PHACTR1: variants seen among roughly 807,000 people sequenced by gnomAD.
PHACTR1 encodes the protein RPEL repeat containing 1.
A neutral mutation model predicts 69.2 loss-of-function variants in PHACTR1; 16 were observed. The observed-to-expected ratio is 0.23, with a 90% CI of 0.16 to 0.35. The LOEUF is 0.35. Ranked by LOEUF, PHACTR1 falls within the 10% of genes least tolerant of loss-of-function variation. The pLI is 1.00. For synonymous variants in PHACTR1, 312 were observed against 284.5 expected (o/e 1.10, Z -0.97); for missense variants, 510 against 734.7 (o/e 0.69, Z 3.54).
intron 7 of PHACTR1, among the ~76,000 whole-genome samples, chr6:13,194,774 ATTAT>A (rs1764138340): frequency 1.3e-5 from 2 of 152,128 alleles, no homozygotes; most frequent in Admixed American, 6.5e-5. Context: ...ATCTACAATT[ATTAT>A]TTGTCTAGTA....
chr6:13,282,109 G>A (rs1780406604), intron 12 of PHACTR1, among the ~76,000 whole-genome samples: 1 of 152,230 alleles, frequency 6.6e-6, no homozygotes, highest in Non-Finnish European at 1.5e-5. Context: ...GAAGCTGCCT[G>A]TTGCAGAGTC....
At chr6:13,158,664 T>TG (rs1397794704) in intron 5 of PHACTR1, among the ~76,000 whole-genome samples, 1 of 152,236 alleles carries the variant, frequency 6.6e-6, no homozygotes, top group African/African-American at 2.4e-5. Flanking sequence ...GGAGATGTCC[T>TG]GGTCCCACCC....
intron 4 of PHACTR1, among the ~76,000 whole-genome samples, chr6:12,814,480 C>T (rs1176833780): frequency 1.3e-5 from 2 of 152,236 alleles, no homozygotes; most frequent in Non-Finnish European, 2.9e-5. Context: ...CTCTGGAAAG[C>T]GCACTGAATT....
intron 7 of PHACTR1, chr6:13,184,942 C>T (rs1216457987): frequency 8.8e-6 from 12 of 1,366,496 alleles, no homozygotes; most frequent in Non-Finnish European, 1.2e-5. Context: ...GCAGCTGCCC[C>T]TTCTCAAGCA....
In PHACTR1 at chr6:13,286,008, T is replaced by C. The variant is rs970755401; in HGVS notation, c.1651-138T>C. 4 of 682,540 alleles carry C rather than the reference T, an allele frequency of 5.9e-6. No individual in the cohort carries two copies. In the Admixed American group the frequency reaches 1.4e-4, roughly 24 times the overall value. The allele number at this position is 682,540 out of a possible 1,614,324, so 42.3% of individuals were successfully genotyped here. ...AAAGGACATCTCAGGTGATTTTTCT[T>C]CCTCCCAATGAAAGAATCCATCTTA... is the stretch of plus-strand genomic sequence containing the variant. On this transcript the variant is annotated intron_variant, in intron 13 of 14. Coordinates refer to ENST00000332995, the MANE Select transcript of PHACTR1 (RefSeq NM_030948.6).
intron 8 of PHACTR1, among the ~76,000 whole-genome samples, chr6:13,224,508 A>C (rs1726657950): frequency 6.6e-6 from 1 of 152,154 alleles, no homozygotes; most frequent in Admixed American, 6.5e-5. Context: ...CATTATGTTT[A>C]AGCTACTGTT....
At chr6:12,846,422 AC>A (rs1271413928) in intron 4 of PHACTR1, among the ~76,000 whole-genome samples, 1 of 152,108 alleles carries the variant, frequency 6.6e-6, no homozygotes, top group Non-Finnish European at 1.5e-5. Flanking sequence ...GTTCTAATAA[AC>A]CCAATTTCCT....
chr6:13,068,644 C>T (rs150059157), intron 5 of PHACTR1, among the ~76,000 whole-genome samples: 19 of 152,218 alleles, frequency 1.2e-4, no homozygotes, highest in African/African-American at 4.3e-4. Flanking sequence ...GAGTTTTGTT[C>T]CGTAGTTTCC....
chr6:12,936,919 T>G (rs1055228827), intron 4 of PHACTR1, among the ~76,000 whole-genome samples: 3 of 152,228 alleles, frequency 2.0e-5, no homozygotes, highest in Admixed American at 6.5e-5. Context: ...TCAGTCTTTT[T>G]TCTCATTGAC....
intron 4 of PHACTR1, among the ~76,000 whole-genome samples, chr6:13,051,094 C>T (rs890734909): frequency 4.7e-4 from 71 of 152,112 alleles, no homozygotes; most frequent in Admixed American, 4.6e-4. Flanking sequence ...ATCCTGATCA[C>T]GTACCTTCTC....
At chr6:13,084,094 A>G (rs567507746) in intron 5 of PHACTR1, among the ~76,000 whole-genome samples, 94 of 152,182 alleles carry the variant, frequency 6.2e-4, no homozygotes, top group African/African-American at 2.2e-3. Context: ...TTGCGGCACT[A>G]TTCACAATAG....
intron 11 of PHACTR1, chr6:13,276,017 C>T (rs2127460920): frequency 6.6e-6 from 1 of 152,096 alleles, no homozygotes; most frequent in Non-Finnish European, 1.5e-5. Flanking sequence ...CTCCCTACTT[C>T]CGGGTGTTGC....
chr6:13,278,171 T>G, intron 11 of PHACTR1, 97 bp from the exon 12 acceptor site: 158 of 1,163,264 alleles, frequency 1.4e-4, no homozygotes, highest in Non-Finnish European at 1.8e-4. Context: ...TTTATTAAAA[T>G]GAGATGCTTG....
chr6:13,060,064 A>T (rs1807447210), intron 5 of PHACTR1, among the ~76,000 whole-genome samples: 4 of 152,138 alleles, frequency 2.6e-5, no homozygotes, highest in Admixed American at 2.6e-4. Flanking sequence ...GTGGCCAGAG[A>T]GGTAGGAGGA....
intron 3 of PHACTR1, among the ~76,000 whole-genome samples, chr6:12,731,905 G>A (rs566153380): frequency 3.3e-5 from 5 of 152,032 alleles, no homozygotes; most frequent in African/African-American, 9.6e-5. Context: ...AATGTTGTGC[G>A]ATACAAATGT....
At chr6:13,154,476 C>A (rs957177617) in intron 5 of PHACTR1, among the ~76,000 whole-genome samples, 3 of 152,096 alleles carry the variant, frequency 2.0e-5, no homozygotes, top group African/African-American at 7.2e-5. Flanking sequence ...ATTTTAATAA[C>A]TGTATAATAT....
chr6:12,854,105 C>A (rs891650433), intron 4 of PHACTR1, among the ~76,000 whole-genome samples: 4 of 152,056 alleles, frequency 2.6e-5, no homozygotes, highest in African/African-American at 9.7e-5. Context: ...CAAAACGTAA[C>A]CTAGAGTTAT....
intron 4 of PHACTR1, among the ~76,000 whole-genome samples, chr6:12,877,493 C>T (rs1395788269): frequency 1.1e-4 from 17 of 152,054 alleles, no homozygotes; most frequent in Admixed American, 1.1e-3. Flanking sequence ...GAATAGAGAC[C>T]ACCTACTGTA....
At chr6:13,006,802 G>A (rs979196851) in intron 4 of PHACTR1, among the ~76,000 whole-genome samples, 2 of 152,116 alleles carry the variant, frequency 1.3e-5, no homozygotes, top group East Asian at 1.9e-4. Context: ...GCTGTGGGTC[G>A]TTAGATAAGC....
Sources: gnomAD v4.1 joint callset for allele counts (sites outside exome capture counted in the v4.1 genomes callset) on GRCh38, gnomAD v4.1.1 for gene constraint, MANE v1.5 for transcripts, NCBI Gene and HGNC (gene_info 2026-07-23, HGNC 2026-07-21) for gene names.